Variants in ZC3H7A observed in about 807,000 individuals in gnomAD.
ZC3H7A encodes zinc finger CCCH-type containing 7A.
ZC3H7A carries 44 observed loss-of-function variants against 125.5 expected under a neutral mutation model. The ratio of observed to expected loss-of-function variants is 0.35; its 90% CI spans 0.28 to 0.45. The LOEUF (loss-of-function observed/expected upper bound fraction) is 0.45. ZC3H7A is among the 20% of genes least tolerant of loss of function. The probability of loss-of-function intolerance (pLI) is 1.00; values close to 1 mark genes in which losing one functional copy is unlikely to be tolerated. For synonymous variants in ZC3H7A, 399 were observed against 391.2 expected, an observed-to-expected ratio of 1.02 and a Z score of -0.23; for missense variants, 977 against 1,170.7, an observed-to-expected ratio of 0.83 and a Z score of 2.41.
intron 9 of ZC3H7A, among the ~76,000 whole-genome samples, 175 bp from the exon 10 acceptor site, chr16:11,771,162 C>T (rs370940816): frequency 2.2e-4 from 33 of 150,642 alleles, no homozygotes; most frequent in African/African-American, 7.2e-4. Flanking sequence ...CTACGGCAGG[C>T]GGACTGCCTG....
chr16:11,766,737 G>A (rs575548093), intron 13 of ZC3H7A, among the ~76,000 whole-genome samples: 1 of 152,026 alleles, frequency 6.6e-6, no homozygotes, highest in Admixed American at 6.6e-5. Context: ...ACAAAAATTA[G>A]CCAGGTGTAC....
chr16:11,751,903 CT>C (rs34041916), intron 22 of ZC3H7A, among the ~76,000 whole-genome samples: 285 of 128,908 alleles, frequency 2.2e-3, no homozygotes, highest in Middle Eastern at 3.9e-3. Context: ...ACTGAAAAAC[CT>C]TTTTTTTTTT....
rs757669592 is a variant in ZC3H7A at position 11,779,254 on chromosome 16, G to A, written c.218C>T (p.Ala73Val). The A allele has an allele frequency of 6.2e-7, 1 of 1,613,630 alleles. No homozygotes were observed. Among genetic ancestry groups the A allele is most frequent in the Non-Finnish European group, 8.5e-7 (1 of 1,179,774 alleles). Residue 73 changes from alanine to valine, a missense_variant, in exon 4 of 23, where the codon GCT (alanine) becomes GTT (valine). Physicochemically the swap from Ala to Val is moderately conservative, Grantham distance 64. This residue lies in a region of ZC3H7A where 199 missense variants were observed against 256.1 expected (regional missense o/e 0.78). Transcript: ENST00000355758. ...AATTTCTTCAGATTTTGCATAATCA[G>A]CTATATTCAAGGCTTCCGTGTACTG... Reference protein sequence around the residue: ...ISQYTEALNIADYAKSEEILI... With the variant: ...ISQYTEALNIVDYAKSEEILI...
chr16:11,787,672 A>C (rs1381548858), intron 1 of ZC3H7A, among the ~76,000 whole-genome samples: 1 of 152,080 alleles, frequency 6.6e-6, no homozygotes. Context: ...CTGGCCAGGC[A>C]CAGTGGCTCA....
intron 16 of ZC3H7A, 146 bp downstream of exon 16, chr16:11,763,332 C>T: frequency 1.4e-6 from 1 of 721,308 alleles, no homozygotes. Flanking sequence ...TGGTCTTGAA[C>T]TCCTGACCTC....
At chr16:11,773,327 C>T (rs2053019989) in intron 9 of ZC3H7A, among the ~76,000 whole-genome samples, 1 of 151,958 alleles carries the variant, frequency 6.6e-6, no homozygotes, top group African/African-American at 2.4e-5. Flanking sequence ...CACAGGCACG[C>T]ACCACTATGC....
At chr16:11,768,278 T>C in intron 12 of ZC3H7A, 37 bp downstream of exon 12, 1 of 1,391,944 alleles carries the variant, frequency 7.2e-7, no homozygotes, top group Non-Finnish European at 9.4e-7. Context: ...TATGAGCAAG[T>C]AGTTTAATAC....
chr16:11,762,012 A>G lies in ZC3H7A; in HGVS notation c.2111T>C (p.Leu704Pro). Residue 704 changes from leucine (L) to proline (P), a missense_variant, in exon 18 of 23, where the codon CTT (leucine) becomes CCT (proline). Leu to Pro is a moderately conservative substitution (Grantham distance 98, BLOSUM62 -3). Transcript: ENST00000355758. The part of the protein sequence containing the change: ...VLGNQIMPGF[L>P]NMKIKFVCAQ... ...GCACACAAACTTTATCTTCATATTA[A>G]GAAATCCAGGCATTATTTGATTACC... 6.2e-7 allele frequency: 1 copy of G among 1,612,134 alleles called. No individual in the cohort carries two copies. The highest frequency in any genetic ancestry group is 8.5e-7 in the Non-Finnish European group (1 of 1,179,490).
intron 1 of ZC3H7A, among the ~76,000 whole-genome samples, chr16:11,785,256 T>C (rs1281648352): frequency 1.3e-5 from 2 of 152,126 alleles, no homozygotes; most frequent in South Asian, 2.1e-4. Context: ...GGAGGACTGA[T>C]AGAGCCTGTG....
rs1456350460 is a variant in ZC3H7A at position 11,767,432 on chromosome 16, A to G, written c.1507T>C (p.Tyr503His). ...CAGTACATACCTTTACATATATAAT[A>G]TGGTCCTTCATAATTTGTTTTTGTT... ...RPTKTNYEGP[Y>H]YICKDVAAEE... is the part of the protein sequence containing the mutation. Residue 503 changes from tyrosine to histidine, a missense_variant, in exon 13 of 23, where the codon TAT becomes CAT. Physicochemically the swap from Tyr to His is moderately conservative, Grantham distance 83. Transcript: ENST00000355758. The G allele has an allele frequency of 1.9e-6, 3 of 1,587,162 alleles. No individual in the cohort carries two copies. The highest frequency in any genetic ancestry group is 2.6e-6 in the Non-Finnish European group (3 of 1,158,572).
chr16:11,755,812 G>C (rs1329587592), intron 21 of ZC3H7A, among the ~76,000 whole-genome samples: 1 of 152,144 alleles, frequency 6.6e-6, no homozygotes, highest in East Asian at 1.9e-4. Flanking sequence ...AGAAGATGAA[G>C]ACACAGAACA....
chr16:11,795,184 A>AT (rs1035501838), intron 1 of ZC3H7A, among the ~76,000 whole-genome samples: 33 of 152,326 alleles, frequency 2.2e-4, no homozygotes, highest in African/African-American at 7.7e-4. Context: ...TATTCTGCAA[A>AT]TTAGGACAAG....
Position 11,765,486 on chromosome 16 carries a change from C to A in ZC3H7A, c.1719+3G>T. 1 of 1,607,134 alleles carries A rather than the reference C, an allele frequency of 6.2e-7. No individual in the cohort carries two copies. Among genetic ancestry groups the A allele is most frequent in the South Asian group, 1.1e-5 (1 of 90,160 alleles). ...AGTGGAAAATAAGTTTTGGAGAACA[C>A]ACCTCACAAAGGAATATAAATTCCC... On this transcript the variant is annotated splice_donor_region_variant and intron_variant, in intron 14 of 22. Coordinates refer to ENST00000355758, the MANE Select transcript of ZC3H7A (RefSeq NM_014153.4). The surrounding 1 kb of genome is among the most constrained non-coding windows in gnomAD (Gnocchi z 4.8).
chr16:11,787,128 G>C lies in ZC3H7A; in HGVS notation c.-34-4740C>G, dbSNP rs573767015. Among the ~76,000 whole-genome samples, 26 of 149,514 alleles carry C rather than the reference G, an allele frequency of 1.7e-4. No homozygotes were observed. The South Asian group carries it at 4.5e-3, about 26-fold the overall frequency. ...GTATGAAACCAGCCTGGGCAAGATGGAGAGACCCCATCTCTACAAAAAATT... is the reference window on the plus strand; with the variant it reads ...GTATGAAACCAGCCTGGGCAAGATGCAGAGACCCCATCTCTACAAAAAATT... On this transcript the variant is annotated intron_variant, in intron 1 of 22. Coordinates refer to ENST00000355758, the MANE Select transcript of ZC3H7A (RefSeq NM_014153.4).
intron 10 of ZC3H7A, among the ~76,000 whole-genome samples, chr16:11,769,710 C>CAAAAAAAAAAAAAAAAAAAAAAAAAAAA (rs529124830): frequency 1.2e-4 from 4 of 32,552 alleles, no homozygotes; most frequent in Non-Finnish European, 1.4e-4. Flanking sequence ...GACTCTGTCT[C>CAAAAAAAAAAAAAAAAAAAAAAAAAAAA]AAAAAAAAAA....
At chr16:11,792,685 GATAAGTGA>G (rs1344920961) in intron 1 of ZC3H7A, among the ~76,000 whole-genome samples, 1 of 152,196 alleles carries the variant, frequency 6.6e-6, no homozygotes, top group Non-Finnish European at 1.5e-5. Flanking sequence ...CTGAAATACA[GATAAGTGA>G]CGCAGCTGGC....
At chr16:11,757,411 G>A (rs1370466427) in intron 20 of ZC3H7A, among the ~76,000 whole-genome samples, 3 of 149,098 alleles carry the variant, frequency 2.0e-5, no homozygotes, top group Non-Finnish European at 3.0e-5. Flanking sequence ...GTGAACCCGG[G>A]AGGCGGAGCT....
chr16:11,776,548 A>G lies in ZC3H7A; in HGVS notation c.466-16T>C, dbSNP rs757318475. 9 of 1,593,596 alleles carry G rather than the reference A, an allele frequency of 5.6e-6. 1 individual carries two copies. In the South Asian group the frequency reaches 9.2e-5, roughly 16 times the overall value. On this transcript the variant is annotated splice_polypyrimidine_tract_variant and intron_variant, in intron 5 of 22. Transcript: ENST00000355758. ...CATGCTCATCCTGAAAAAAATAAGTATGTATAATTAACAGGGTTATATTTA... is the reference window on the plus strand; with the variant it reads ...CATGCTCATCCTGAAAAAAATAAGTGTGTATAATTAACAGGGTTATATTTA...
chr16:11,751,796 T>C (rs1474825759), intron 22 of ZC3H7A, among the ~76,000 whole-genome samples: 1 of 152,126 alleles, frequency 6.6e-6, no homozygotes. Flanking sequence ...GAAAAAAATG[T>C]CTTCAATAGT....
Sources: allele counts gnomAD v4.1 joint callset (sites outside exome capture counted in the v4.1 genomes callset), GRCh38; gene constraint gnomAD v4.1.1; regional missense constraint gnomAD v4.1.1; non-coding constraint Gnocchi (gnomAD v3.1); transcripts MANE v1.5; gene names NCBI Gene and HGNC (gene_info 2026-07-23, HGNC 2026-07-21).